Variants in IQCF1 observed in about 807,000 individuals in gnomAD.
The protein encoded by IQCF1 is IQ motif containing F1, also known as IQ domain-containing protein F1.
Under a neutral mutation model 12.5 loss-of-function variants are expected in IQCF1, and 9 were observed. The ratio of observed to expected loss-of-function variants is 0.72; its 90% CI spans 0.43 to 1.26. The LOEUF (loss-of-function observed/expected upper bound fraction) is 1.26. Ranked by LOEUF, IQCF1 falls within the 50% of genes most tolerant of loss-of-function variation. IQCF1 has a pLI of 0.00. For missense variants in IQCF1, 252 were observed against 257.4 expected, an observed-to-expected ratio of 0.98 and a Z score of 0.14; for synonymous variants, 67 against 96.2, an observed-to-expected ratio of 0.70 and a Z score of 1.78.
Position 51,895,393 on chromosome 3 carries a change from G to T in IQCF1, c.172-57C>A. On this transcript the variant is annotated intron_variant, in intron 3 of 3. Transcript: ENST00000310914. The surrounding 1 kb of genome is among the most constrained non-coding windows in gnomAD (Gnocchi z 4.8). Reference sequence around the variant, plus strand: ...ATGCTCCCCACTGGCTTCAGCTCTGGGGTGTGCCAGGAAAGGCCCTGATTC... The same window carrying T: ...ATGCTCCCCACTGGCTTCAGCTCTGTGGTGTGCCAGGAAAGGCCCTGATTC... 7 of 1,472,396 alleles carry T rather than the reference G, an allele frequency of 4.8e-6. No individual in the cohort carries two copies. The highest frequency in any genetic ancestry group is 6.4e-6 in the Non-Finnish European group (7 of 1,087,214). The allele number at this position is 1,472,396 out of a possible 1,614,324, so 91.2% of individuals were successfully genotyped here.
chr3:51,896,709 A>ACATG, intron 3 of IQCF1, 123 bp downstream of exon 3: 5 of 645,046 alleles, frequency 7.8e-6, no homozygotes, highest in Admixed American at 2.1e-5. Flanking sequence ...ACACACACAC[A>ACATG]CACGCACACA....
intron 3 of IQCF1, 102 bp downstream of exon 3, chr3:51,896,727 ACAT>A: frequency 1.2e-6 from 1 of 857,188 alleles, no homozygotes; most frequent in Non-Finnish European, 2.0e-6. Flanking sequence ...ACACACACAC[ACAT>A]ACTTCTAACT....
chr3:51,903,221 A>G, intron 1 of IQCF1, 49 bp downstream of exon 1: 1 of 1,610,380 alleles, frequency 6.2e-7, no homozygotes, highest in South Asian at 1.1e-5. Context: ...ACCCTGAGAG[A>G]TCTATGGGGA....
rs895189324 is a variant in IQCF1, at chr3:51,900,780, T to C, written c.108+2205A>G. Reference sequence around the variant, plus strand: ...CCCCCGCCTCCCACTAACTGTCAGCTAAACCAGTGCAATCCTATACAGGTT... The same window carrying C: ...CCCCCGCCTCCCACTAACTGTCAGCCAAACCAGTGCAATCCTATACAGGTT... On this transcript the variant is annotated intron_variant, in intron 2 of 3. Transcript: ENST00000310914. This position sits in a 1 kb window ranked among gnomAD's most constrained non-coding sequence, Gnocchi z 4.2. Among the ~76,000 whole-genome samples the C allele has an allele frequency of 1.3e-5, 2 of 152,324 alleles. No individual in the cohort carries two copies. Among genetic ancestry groups the C allele is most frequent in the South Asian group, 2.1e-4 (1 of 4,828 alleles).
At chr3:51,902,432 C>T (rs1351486040) in intron 2 of IQCF1, among the ~76,000 whole-genome samples, 2 of 152,186 alleles carry the variant, frequency 1.3e-5, no homozygotes, top group Non-Finnish European at 2.9e-5. Flanking sequence ...ATGTTCAATT[C>T]TTTGCCTTCT....
rs367980073 is a variant in IQCF1, at chr3:51,902,978, C to T, written c.108+7G>A. On this transcript the variant is annotated splice_region_variant and intron_variant, in intron 2 of 3. Coordinates refer to ENST00000310914, the MANE Select transcript of IQCF1 (RefSeq NM_152397.3). ...ATCAATGACATCCAAGTCAGGGCTC[C>T]TCCTACCTCTGCCTTTGACTCTGCT... 14 of 1,605,652 alleles carry T rather than the reference C, an allele frequency of 8.7e-6. No individual in the cohort carries two copies. The highest frequency in any genetic ancestry group is 1.0e-5 in the Non-Finnish European group (12 of 1,172,336).
At position 51,902,975 on chromosome 3, in the gene IQCF1, C is replaced by T. The variant is rs1445866070; in HGVS notation, c.108+10G>A. On this transcript the variant is annotated intron_variant, in intron 2 of 3. Transcript: ENST00000310914. ...GGGATCAATGACATCCAAGTCAGGG[C>T]TCCTCCTACCTCTGCCTTTGACTCT... is the stretch of plus-strand genomic sequence containing the variant. 1.9e-6 allele frequency: 3 copies of T among 1,598,752 alleles called. No homozygotes were observed. Among genetic ancestry groups the T allele is most frequent in the African/African-American group, 2.7e-5 (2 of 74,588 alleles).
At chr3:51,896,096 C>CT (rs1698999669) in intron 3 of IQCF1, among the ~76,000 whole-genome samples, 1 of 152,228 alleles carries the variant, frequency 6.6e-6, no homozygotes, top group African/African-American at 2.4e-5. Context: ...TCCAGACCCT[C>CT]TCAATCCTAA....
Position 51,895,095 on chromosome 3 carries a change from C to G in IQCF1, c.413G>C (p.Trp138Ser). Residue 138 changes from tryptophan to serine, a missense_variant, in exon 4 of 4, where the codon TGG (tryptophan) becomes TCG (serine). Trp to Ser is a radical substitution (Grantham distance 177). Coordinates refer to ENST00000310914, the MANE Select transcript of IQCF1 (RefSeq NM_152397.3). The surrounding 1 kb of genome is among the most constrained non-coding windows in gnomAD (Gnocchi z 4.8). ...CTGGCAATAGCGTCTGCGGATGCGC[C>G]ACATGCGGGCCTGGGACTGCAGTGT... ...AVTLQSQARM[W>S]RIRRRYCQVL... The G allele has an allele frequency of 6.2e-7, 1 of 1,614,214 alleles. No individual in the cohort carries two copies. The highest frequency in any genetic ancestry group is 1.3e-5 in the African/African-American group (1 of 75,060).
chr3:51,897,955 G>A (rs903616934), intron 2 of IQCF1, among the ~76,000 whole-genome samples: 1 of 152,206 alleles, frequency 6.6e-6, no homozygotes, highest in Non-Finnish European at 1.5e-5. Context: ...AAGGCGAGAC[G>A]TCCCTGCTTT....
Position 51,895,295 on chromosome 3 carries a change from T to C in IQCF1, c.213A>G (p.Val71=). The C allele has an allele frequency of 6.2e-7, 1 of 1,613,588 alleles. No homozygotes were observed. The highest frequency in any genetic ancestry group is 8.5e-7 in the Non-Finnish European group (1 of 1,179,784). The stretch of plus-strand genomic sequence containing the variant: ...GCCACCAGGCCTGGATCTTGGTGGC[T>C]ACCGTATCTTTGTCAGAGAGCTTCT... ...NQKKLSDKDT[V]ATKIQAWWRG... is the part of the protein sequence containing the mutation. Residue 71 remains valine (V), a synonymous_variant, in exon 4 of 4, where the codon GTA becomes GTG. Transcript: ENST00000310914. The surrounding 1 kb of genome is among the most constrained non-coding windows in gnomAD (Gnocchi z 4.8).
chr3:51,899,368 A>G (rs1699049835), intron 2 of IQCF1, among the ~76,000 whole-genome samples: 1 of 152,212 alleles, frequency 6.6e-6, no homozygotes, highest in South Asian at 2.1e-4. Flanking sequence ...TTTAAAAGGG[A>G]ATTTATGCAA....
chr3:51,895,403 G>A lies in IQCF1; in HGVS notation c.172-67C>T. 7.2e-7 allele frequency: 1 copy of A among 1,385,248 alleles called. No individual in the cohort carries two copies. The highest frequency in any genetic ancestry group is 9.9e-7 in the Non-Finnish European group (1 of 1,013,432). 85.8% of individuals were successfully genotyped at this position (1,385,248 alleles called of 1,614,324 possible). On this transcript the variant is annotated intron_variant, in intron 3 of 3. Transcript: ENST00000310914. This position sits in a 1 kb window ranked among gnomAD's most constrained non-coding sequence, Gnocchi z 4.8. Reference sequence around the variant, plus strand: ...CTGGCTTCAGCTCTGGGGTGTGCCAGGAAAGGCCCTGATTCCCTATCAGCA... The same window carrying A: ...CTGGCTTCAGCTCTGGGGTGTGCCAAGAAAGGCCCTGATTCCCTATCAGCA...
chr3:51,902,878 T>A (rs772609440), intron 2 of IQCF1, 107 bp downstream of exon 2: 1 of 910,406 alleles, frequency 1.1e-6, no homozygotes, highest in South Asian at 1.3e-5. Context: ...TGAGTGCTAT[T>A]TCTTTTGCGG....
At chr3:51,899,128 TAGAC>T (rs891167351) in intron 2 of IQCF1, among the ~76,000 whole-genome samples, 5 of 152,076 alleles carry the variant, frequency 3.3e-5, no homozygotes, top group African/African-American at 9.7e-5. Context: ...CTTGTGGCCT[TAGAC>T]AGTCTAGTCC....
chr3:51,896,885 G>T lies in IQCF1; in HGVS notation c.118C>A (p.Pro40Thr), dbSNP rs1203614923. 6.2e-7 allele frequency: 1 copy of T among 1,613,074 alleles called. No homozygotes were observed. The highest frequency in any genetic ancestry group is 8.5e-7 in the Non-Finnish European group (1 of 1,179,194). Residue 40 changes from proline (P) to threonine (T), a missense_variant, in exon 3 of 4, where the codon CCA (proline) becomes ACA (threonine). By Grantham distance (38) the Pro-to-Thr change is conservative. Transcript: ENST00000310914. ...GAESKAEAKTPVLVETQTVDN... is the reference protein window; with the variant it reads ...GAESKAEAKTTVLVETQTVDN... ...ACTGTCTGTGTCTCAACCAGAACTGGAGTTTTAGCCTGAAAAGGAAATGGG... is the reference window on the plus strand; with the variant it reads ...ACTGTCTGTGTCTCAACCAGAACTGTAGTTTTAGCCTGAAAAGGAAATGGG...
intron 2 of IQCF1, among the ~76,000 whole-genome samples, chr3:51,902,315 C>A (rs919739023): frequency 6.6e-6 from 1 of 152,104 alleles, no homozygotes; most frequent in Admixed American, 6.5e-5. Context: ...ACATCTAAGC[C>A]AAGACATGTT....
chr3:51,903,185 A>C, intron 1 of IQCF1, 85 bp downstream of exon 1: 1 of 1,592,884 alleles, frequency 6.3e-7, no homozygotes, highest in Non-Finnish European at 8.6e-7. Context: ...GGCTTCTTAG[A>C]GTCTTCAGTG....
At position 51,900,654 on chromosome 3, in the gene IQCF1, T is replaced by C. The variant is rs1699064555; in HGVS notation, c.108+2331A>G. Among the ~76,000 whole-genome samples, 1 of 152,216 alleles carries C rather than the reference T, an allele frequency of 6.6e-6. No individual in the cohort carries two copies. On this transcript the variant is annotated intron_variant, in intron 2 of 3. Coordinates refer to ENST00000310914, the MANE Select transcript of IQCF1 (RefSeq NM_152397.3). This position sits in a 1 kb window ranked among gnomAD's most constrained non-coding sequence, Gnocchi z 4.2. ...GCGATGTAGAGCTTTTATACCATAGTTGGTCCAGGGTTCTGTGGACCACTA... is the reference window on the plus strand; with the variant it reads ...GCGATGTAGAGCTTTTATACCATAGCTGGTCCAGGGTTCTGTGGACCACTA...
Sources: gnomAD v4.1 joint callset for allele counts (sites outside exome capture counted in the v4.1 genomes callset) on GRCh38, gnomAD v4.1.1 for gene constraint, Gnocchi (gnomAD v3.1) non-coding constraint, MANE v1.5 for transcripts, NCBI Gene and HGNC (gene_info 2026-07-23, HGNC 2026-07-21) for gene names.